NIBAN1: variants seen among roughly 807,000 people sequenced by gnomAD.
NIBAN1 encodes protein Niban 1.
NIBAN1 carries 81 observed loss-of-function variants against 75.1 expected under a neutral mutation model. The observed-to-expected ratio is 1.08, with a 90% CI of 0.90 to 1.30. The LOEUF (loss-of-function observed/expected upper bound fraction) is 1.30, where lower values mean the gene tolerates loss of function less well. Among genes scored for constraint, NIBAN1 ranks in the 50% most tolerant of loss-of-function variants. NIBAN1 has a pLI of 0.00. For missense variants in NIBAN1, 1,133 were observed against 1,128.1 expected, an observed-to-expected ratio of 1.00 and a Z score of -0.06; for synonymous variants, 436 against 424.8, an observed-to-expected ratio of 1.03 and a Z score of -0.32.
At chr1:184,891,365 C>G (rs1656661823) in intron 3 of NIBAN1, among the ~76,000 whole-genome samples, 1 of 152,106 alleles carries the variant, frequency 6.6e-6, no homozygotes, top group South Asian at 2.1e-4. Context: ...TCTAAGAACT[C>G]CCACAGAGCT....
At position 184,799,947 on chromosome 1, in the gene NIBAN1, G is replaced by A. The variant is rs1267114252; in HGVS notation, c.1555-1757C>T. Among the ~76,000 whole-genome samples, 3 of 97,628 alleles carry A rather than the reference G, an allele frequency of 3.1e-5. 1 individual carries two copies. Among genetic ancestry groups the A allele is most frequent in the Non-Finnish European group, 5.8e-5 (3 of 51,746 alleles). The allele number at this position is 97,628 out of a possible 152,430, so 64.0% of individuals were successfully genotyped here. A position where few individuals can be genotyped will look rare whatever the true frequency, so the allele number is the denominator to read the frequency against. On this transcript the variant is annotated intron_variant, in intron 12 of 13. Coordinates refer to ENST00000367511, the MANE Select transcript of NIBAN1 (RefSeq NM_052966.4). Reference sequence around the variant, plus strand: ...TTTTTAGTAGAGACGGGGTTTCACCGTGTTAGCCAGGATGGTCTCGATCTC... The same window carrying A: ...TTTTTAGTAGAGACGGGGTTTCACCATGTTAGCCAGGATGGTCTCGATCTC...
chr1:184,817,811 A>C (rs142206954), intron 9 of NIBAN1, among the ~76,000 whole-genome samples: 2 of 152,350 alleles, frequency 1.3e-5, no homozygotes, highest in African/African-American at 4.8e-5. Flanking sequence ...AGTCAGACAA[A>C]ATTGAAAACC....
At chr1:184,838,173 CT>C (rs1395618021) in intron 5 of NIBAN1, among the ~76,000 whole-genome samples, 2 of 152,132 alleles carry the variant, frequency 1.3e-5, no homozygotes, top group African/African-American at 4.8e-5. Context: ...CAATATAAGC[CT>C]CTCCTAGCCT....
chr1:184,857,228 G>A (rs372896285), intron 5 of NIBAN1, among the ~76,000 whole-genome samples: 2 of 152,164 alleles, frequency 1.3e-5, no homozygotes, highest in Non-Finnish European at 2.9e-5. Context: ...ATGCTATTGT[G>A]TAAGGCAAGA....
intron 1 of NIBAN1, 88 bp from the exon 2 acceptor site, chr1:184,899,397 T>C: frequency 7.4e-7 from 1 of 1,345,648 alleles, no homozygotes; most frequent in Non-Finnish European, 1.0e-6. Context: ...CTCCAGTCTC[T>C]CTGTTTCTAT....
chr1:184,886,794 T>A (rs1656536920), intron 4 of NIBAN1, among the ~76,000 whole-genome samples: 1 of 152,122 alleles, frequency 6.6e-6, no homozygotes, highest in African/African-American at 2.4e-5. Flanking sequence ...AGGAAATGAA[T>A]CATGACCACA....
intron 11 of NIBAN1, 51 bp downstream of exon 11, chr1:184,805,895 A>G: frequency 7.1e-7 from 1 of 1,418,196 alleles, no homozygotes; most frequent in South Asian, 1.2e-5. Flanking sequence ...CAAAAGAAAC[A>G]GGGGTCACGT....
intron 10 of NIBAN1, 129 bp from the exon 11 acceptor site, chr1:184,806,185 G>T: frequency 1.5e-6 from 1 of 645,634 alleles, no homozygotes; most frequent in Non-Finnish European, 2.7e-6. Context: ...TATTCGGTGG[G>T]GGTACCCAAG....
intron 5 of NIBAN1, among the ~76,000 whole-genome samples, chr1:184,874,398 T>C (rs1185290684): frequency 6.6e-6 from 1 of 152,052 alleles, no homozygotes; most frequent in Non-Finnish European, 1.5e-5. Context: ...ATATGTACCA[T>C]TTAAGTGATA....
intron 10 of NIBAN1, 35 bp from the exon 11 acceptor site, chr1:184,806,091 G>T (rs938550437): frequency 2.5e-6 from 4 of 1,571,068 alleles, no homozygotes; most frequent in Non-Finnish European, 3.5e-6. Flanking sequence ...ACAGACAACA[G>T]TCAGGGGCTG....
chr1:184,854,319 T>C (rs1475829387), intron 5 of NIBAN1, among the ~76,000 whole-genome samples: 1 of 152,208 alleles, frequency 6.6e-6, no homozygotes, highest in Non-Finnish European at 1.5e-5. Context: ...ACAGCCTCAT[T>C]ACAAAGGGAT....
rs542470662 is a variant in NIBAN1, at chr1:184,927,729, T to G, written c.56-28420A>C. 2.6e-4 allele frequency among the ~76,000 whole-genome samples: 39 copies of G among 152,186 alleles called. No homozygotes were observed. In the East Asian group the frequency reaches 7.6e-3, roughly 30 times the overall value. The stretch of plus-strand genomic sequence containing the variant: ...AGCAAGATGAGCTTGGCTTGTGTCC[T>G]TATTTTCAGAATGGTGAGTTCCCCC... On this transcript the variant is annotated intron_variant, in intron 1 of 13. Transcript: ENST00000367511.
At chr1:184,971,910 T>A (rs935253173) in intron 1 of NIBAN1, among the ~76,000 whole-genome samples, 4 of 152,224 alleles carry the variant, frequency 2.6e-5, no homozygotes, top group African/African-American at 9.6e-5. Context: ...TTAACGTAGA[T>A]GATATATCTT....
chr1:184,793,336 G>C lies in NIBAN1; in HGVS notation c.*1641C>G, dbSNP rs1024548153. 1 of 152,044 alleles carries C rather than the reference G, an allele frequency of 6.6e-6. No homozygotes were observed. The highest frequency in any genetic ancestry group is 2.4e-5 in the African/African-American group (1 of 41,386). The allele number at this position is 152,044 out of a possible 1,614,324, so 9.4% of individuals were successfully genotyped here. ...TTTGGGAAGTCGAGGTGGGTGGATC[G>C]CTTGAAATCAGGAGTTTGAGACCAG... On this transcript the variant is annotated 3_prime_UTR_variant, in exon 14 of 14. Coordinates refer to ENST00000367511, the MANE Select transcript of NIBAN1 (RefSeq NM_052966.4).
intron 12 of NIBAN1, 117 bp downstream of exon 12, chr1:184,803,468 A>G: frequency 1.4e-6 from 1 of 733,176 alleles, no homozygotes; most frequent in Non-Finnish European, 2.4e-6. Flanking sequence ...ATTTACAAAA[A>G]TGTCTGCCAA....
At position 184,795,021 on chromosome 1, in the gene NIBAN1, C is replaced by T. The variant is rs201568524; in HGVS notation, c.2743G>A (p.Glu915Lys). The T allele has an allele frequency of 1.6e-5, 26 of 1,613,072 alleles. No individual in the cohort carries two copies. Among genetic ancestry groups the T allele is most frequent in the African/African-American group, 2.7e-5 (2 of 74,956 alleles). The change falls in exon 14 of 14, where the codon GAA becomes AAA. Residue 915 changes from glutamate to lysine, a missense_variant. Glu to Lys is a moderately conservative substitution (Grantham distance 56). Transcript: ENST00000367511. Reference protein sequence around the residue: ...LSHKDDVKEGEGGQESFPELP... With the variant: ...LSHKDDVKEGKGGQESFPELP... ...TCTGGGAAACTCTCCTGACCACCTT[C>T]TCCCTCCTTCACGTCATCTTTGTGT...
Position 184,887,116 on chromosome 1 carries a change from A to G in NIBAN1, c.434-2316T>C, listed in dbSNP as rs553089009. Among the ~76,000 whole-genome samples, 3 of 152,248 alleles carry G rather than the reference A, an allele frequency of 2.0e-5. No individual in the cohort carries two copies. In the South Asian group the frequency reaches 6.2e-4, roughly 32 times the overall value. On this transcript the variant is annotated intron_variant, in intron 4 of 13. Coordinates refer to ENST00000367511, the MANE Select transcript of NIBAN1 (RefSeq NM_052966.4). ...AGCCTGGGTGACAGAGCGAAACTCCATCTCAAAATCAATCAGTCAATCAAT... is the reference window on the plus strand; with the variant it reads ...AGCCTGGGTGACAGAGCGAAACTCCGTCTCAAAATCAATCAGTCAATCAAT...
chr1:184,794,487 C>T lies in NIBAN1; in HGVS notation c.*490G>A, dbSNP rs1295106996. On this transcript the variant is annotated 3_prime_UTR_variant, in exon 14 of 14. Coordinates refer to ENST00000367511, the MANE Select transcript of NIBAN1 (RefSeq NM_052966.4). ...CGGGTGACTGTTCATGACCTACCCT[C>T]TCTTGCAGTCTGACTGTGGACAAAT... 4.3e-6 allele frequency: 1 copy of T among 229,958 alleles called. No individual in the cohort carries two copies. Among genetic ancestry groups the T allele is most frequent in the Non-Finnish European group, 8.7e-6 (1 of 115,402 alleles). 14.2% of individuals were successfully genotyped at this position (229,958 alleles called of 1,614,324 possible). A position where few individuals can be genotyped will look rare whatever the true frequency, so the allele number is the denominator to read the frequency against.
At chr1:184,874,055 TGAGAGAAACTTAAG>T (rs764667430) in intron 5 of NIBAN1, among the ~76,000 whole-genome samples, 126 of 152,230 alleles carry the variant, frequency 8.3e-4, no homozygotes, top group Middle Eastern at 3.4e-3. Flanking sequence ...CTATATTTTT[TGAGAGAAACTTAAG>T]GATGTTGATT....
Sources: gnomAD v4.1 joint callset for allele counts (sites outside exome capture counted in the v4.1 genomes callset) on GRCh38, gnomAD v4.1.1 for gene constraint, MANE v1.5 for transcripts, NCBI Gene and HGNC (gene_info 2026-07-23, HGNC 2026-07-21) for gene names.